SETD3: variants seen among roughly 807,000 people sequenced by gnomAD.
SETD3 encodes the protein SET domain containing 3, actin N3(tau)-histidine methyltransferase.
A neutral mutation model predicts 63.0 loss-of-function variants in SETD3; 19 were observed. That is an observed-to-expected ratio of 0.30 (90% CI 0.21 to 0.44). SETD3 has a LOEUF of 0.44. Ranked by LOEUF, SETD3 falls within the 20% of genes least tolerant of loss-of-function variation. The pLI is 1.00. For synonymous variants in SETD3, 286 were observed against 264.1 expected (o/e 1.08, Z -0.80); for missense variants, 587 against 728.5 (o/e 0.81, Z 2.24).
rs577278494 is a variant in SETD3 at position 99,450,569 on chromosome 14, G to A, written c.675+7710C>T. On this transcript the variant is annotated intron_variant, in intron 6 of 12. Coordinates refer to ENST00000331768, the MANE Select transcript of SETD3 (RefSeq NM_032233.3). ...CTGGCTAGGTAGGAGTTGCCTGTTC[G>A]AGGAAGATGGCCAACTTGAAATTGC... Among the ~76,000 whole-genome samples the A allele has an allele frequency of 5.9e-5, 9 of 152,162 alleles. No individual in the cohort carries two copies. In the South Asian group the frequency reaches 1.2e-3, roughly 21 times the overall value.
chr14:99,398,720 T>C lies in SETD3; in HGVS notation c.1744A>G (p.Lys582Glu), dbSNP rs1287940203. The C allele has an allele frequency of 6.2e-6, 10 of 1,614,084 alleles. No individual in the cohort carries two copies. The highest frequency in any genetic ancestry group is 3.4e-6 in the Non-Finnish European group (4 of 1,180,038). Reference sequence around the variant, plus strand: ...GCAGTGCTGTCTGAAGAAGATCCTTTGGCGTCTTCAACTGCTCTTTTACTT... The same window carrying C: ...GCAGTGCTGTCTGAAGAAGATCCTTCGGCGTCTTCAACTGCTCTTTTACTT... ...QESKRAVEDA[K>E]GSSSDSTAGV... The change falls in exon 13 of 13, where the codon AAA (lysine) becomes GAA (glutamate). Residue 582 changes from lysine (K) to glutamate (E), a missense_variant. Physicochemically the swap from Lys to Glu is moderately conservative, Grantham distance 56. Coordinates refer to ENST00000331768, the MANE Select transcript of SETD3 (RefSeq NM_032233.3).
At chr14:99,479,394 C>T (rs1896141392) in intron 1 of SETD3, among the ~76,000 whole-genome samples, 1 of 152,208 alleles carries the variant, frequency 6.6e-6, no homozygotes, top group South Asian at 2.1e-4. Flanking sequence ...TGGACTTTCA[C>T]GCATGGTAGC....
intron 6 of SETD3, among the ~76,000 whole-genome samples, chr14:99,415,680 T>C (rs1305758861): frequency 6.6e-6 from 1 of 152,138 alleles, no homozygotes; most frequent in African/African-American, 2.4e-5. Context: ...CATGGTTACA[T>C]AATATTTGCA....
Position 99,406,465 on chromosome 14 carries a change from C to T in SETD3, c.924+51G>A, listed in dbSNP as rs768554532. On this transcript the variant is annotated intron_variant, in intron 9 of 12. Transcript: ENST00000331768. The stretch of plus-strand genomic sequence containing the variant: ...TTTAAGATTACCAACACGGTGTTAA[C>T]GTTAGTGCCCACTGGCTGGCTCACA... 6 of 1,514,406 alleles carry T rather than the reference C, an allele frequency of 4.0e-6. No homozygotes were observed. In the African/African-American group the frequency reaches 4.1e-5, roughly 10 times the overall value. The allele number at this position is 1,514,406 out of a possible 1,614,324, so 93.8% of individuals were successfully genotyped here. A position where few individuals can be genotyped will look rare whatever the true frequency, so the allele number is the denominator to read the frequency against.
intron 7 of SETD3, chr14:99,413,343 T>A (rs1892110623): frequency 3.0e-6 from 1 of 338,754 alleles, no homozygotes; most frequent in African/African-American, 2.1e-5. Flanking sequence ...TTCCCGGATC[T>A]TCGTGACTCA....
Position 99,423,448 on chromosome 14 carries a change from T to C in SETD3, c.676-9514A>G, listed in dbSNP as rs145208354. 2.7e-3 allele frequency among the ~76,000 whole-genome samples: 412 copies of C among 152,014 alleles called. 1 individual carries two copies. The highest frequency in any genetic ancestry group is 5.0e-3 in the Non-Finnish European group (341 of 67,938). ...AACCAAACATAATTTAAAATCTCCATACCTTTGGGTAGAGTACCTGAGAGG... is the reference window on the plus strand; with the variant it reads ...AACCAAACATAATTTAAAATCTCCACACCTTTGGGTAGAGTACCTGAGAGG... On this transcript the variant is annotated intron_variant, in intron 6 of 12. Transcript: ENST00000331768.
chr14:99,483,920 T>G (rs778480096), upstream of SETD3, among the ~76,000 whole-genome samples: 1 of 152,182 alleles, frequency 6.6e-6, no homozygotes, highest in Non-Finnish European at 1.5e-5. Context: ...ACTCAAACCA[T>G]GTAGTGATAA....
At chr14:99,457,233 G>C (rs2139769186) in intron 6 of SETD3, among the ~76,000 whole-genome samples, 1 of 152,332 alleles carries the variant, frequency 6.6e-6, no homozygotes, top group Non-Finnish European at 1.5e-5. Context: ...CATACTGTAT[G>C]ACCATTCCTA....
chr14:99,446,317 C>T (rs1224032182), intron 6 of SETD3, among the ~76,000 whole-genome samples: 30 of 152,176 alleles, frequency 2.0e-4, no homozygotes, highest in Admixed American at 1.8e-3. Context: ...ACAAATTAAA[C>T]GATCAATGAC....
At chr14:99,416,440 T>G (rs1435210850) in intron 6 of SETD3, among the ~76,000 whole-genome samples, 1 of 152,226 alleles carries the variant, frequency 6.6e-6, no homozygotes, top group Non-Finnish European at 1.5e-5. Context: ...AATAGCCTTT[T>G]CACTAGAAGA....
chr14:99,409,719 T>TG (rs142843829), intron 8 of SETD3: 2,166 of 136,080 alleles, frequency 0.016, 25 homozygotes, highest in East Asian at 0.055. Flanking sequence ...ATTGATTTCA[T>TG]GGGGGGGGGG....
chr14:99,472,003 G>A (rs8023115), intron 1 of SETD3, among the ~76,000 whole-genome samples: 63,596 of 152,002 alleles, frequency 0.42, 13,810 homozygotes, highest in East Asian at 0.56. Context: ...CCAAGCAGCA[G>A]ACCCATAGCT....
Position 99,400,272 on chromosome 14 carries a change from CA to C in SETD3, c.1178-14del. 6.2e-7 allele frequency: 1 copy of C among 1,607,830 alleles called. No homozygotes were observed. Among genetic ancestry groups the C allele is most frequent in the South Asian group, 1.1e-5 (1 of 89,818 alleles). Reference sequence around the variant, plus strand: ...TCTTTCAGTTCTTCTACAAGAAATACAAATGGCAATCTGTTAGGAGGAAAAC... The same window carrying C: ...TCTTTCAGTTCTTCTACAAGAAATACAATGGCAATCTGTTAGGAGGAAAAC... On this transcript the variant is annotated splice_polypyrimidine_tract_variant and intron_variant, in intron 11 of 12. Coordinates refer to ENST00000331768, the MANE Select transcript of SETD3 (RefSeq NM_032233.3).
chr14:99,468,524 C>T (rs186452529), intron 1 of SETD3, among the ~76,000 whole-genome samples: 72 of 152,264 alleles, frequency 4.7e-4, no homozygotes, highest in African/African-American at 1.6e-3. Context: ...GTAAAATATA[C>T]AGGGTCAGTC....
chr14:99,427,155 A>G (rs1387531934), intron 6 of SETD3, among the ~76,000 whole-genome samples: 1 of 152,228 alleles, frequency 6.6e-6, no homozygotes, highest in Admixed American at 6.5e-5. Flanking sequence ...CGAAAAATAA[A>G]GCTAGGTACT....
At chr14:99,413,643 G>C (rs1277275629) in intron 7 of SETD3, among the ~76,000 whole-genome samples, 1 of 152,128 alleles carries the variant, frequency 6.6e-6, no homozygotes, top group Admixed American at 6.5e-5. Flanking sequence ...GTAGCATTTG[G>C]CTACCTCAGC....
At chr14:99,456,600 T>G (rs1424036046) in intron 6 of SETD3, among the ~76,000 whole-genome samples, 1 of 152,222 alleles carries the variant, frequency 6.6e-6, no homozygotes. Context: ...CACCGTTTAT[T>G]ACATAGAAGG....
chr14:99,462,290 T>C (rs1298803927), intron 3 of SETD3, among the ~76,000 whole-genome samples: 1 of 152,092 alleles, frequency 6.6e-6, no homozygotes, highest in Non-Finnish European at 1.5e-5. Context: ...GTCAAAAAGA[T>C]GAAAAGACAT....
At chr14:99,439,635 T>A (rs1462086039) in intron 6 of SETD3, among the ~76,000 whole-genome samples, 1 of 147,968 alleles carries the variant, frequency 6.8e-6, no homozygotes, top group Non-Finnish European at 1.5e-5. Flanking sequence ...ATTTATATTT[T>A]TATATATACA....
Sources: allele counts gnomAD v4.1 joint callset (sites outside exome capture counted in the v4.1 genomes callset), GRCh38; gene constraint gnomAD v4.1.1; transcripts MANE v1.5; gene names NCBI Gene and HGNC (gene_info 2026-07-23, HGNC 2026-07-21).